TCP11L1: variants seen among roughly 807,000 people sequenced by gnomAD.
TCP11L1 encodes T-complex protein 11-like protein 1.
In TCP11L1, 28 loss-of-function variants were observed where a neutral mutation model predicts 48.9. The observed-to-expected ratio is 0.57, with a 90% CI of 0.42 to 0.78. The LOEUF (loss-of-function observed/expected upper bound fraction) is 0.78. TCP11L1 is among the 30% of genes least tolerant of loss of function. The probability of loss-of-function intolerance (pLI) is 0.00; values close to 1 mark genes in which losing one functional copy is unlikely to be tolerated. For synonymous variants in TCP11L1, 204 were observed against 231.9 expected, an observed-to-expected ratio of 0.88 and a Z score of 1.09; for missense variants, 505 against 613.4, an observed-to-expected ratio of 0.82 and a Z score of 1.87.
At chr11:33,061,976 G>T (rs1590236150) in intron 7 of TCP11L1, among the ~76,000 whole-genome samples, 1 of 152,134 alleles carries the variant, frequency 6.6e-6, no homozygotes, top group East Asian at 1.9e-4. Context: ...CAGCTACTTG[G>T]GAGGCTGAGG....
rs1405378552 is a variant in TCP11L1 at position 33,065,858 on chromosome 11, A to G, written c.1001A>G (p.His334Arg). ...GTTTTAATGGACCAGTCTCGCTTCCACGAGCTCCAGTTGCAGCTGGAACAA... is the reference window on the plus strand; with the variant it reads ...GTTTTAATGGACCAGTCTCGCTTCCGCGAGCTCCAGTTGCAGCTGGAACAA... The part of the protein sequence containing the change: ...ETVLMDQSRF[H>R]ELQLQLEQLT... Residue 334 changes from histidine (H) to arginine (R), a missense_variant, in exon 8 of 10, where the codon CAC (histidine) becomes CGC (arginine). By Grantham distance (29) the His-to-Arg change is conservative. Coordinates refer to ENST00000334274, the MANE Select transcript of TCP11L1 (RefSeq NM_018393.4). The G allele has an allele frequency of 8.7e-6, 14 of 1,613,940 alleles. No homozygotes were observed. Among genetic ancestry groups the G allele is most frequent in the Admixed American group, 1.7e-5 (1 of 60,002 alleles).
intron 8 of TCP11L1, among the ~76,000 whole-genome samples, chr11:33,066,505 G>T (rs1854624570): frequency 6.6e-6 from 1 of 152,108 alleles, no homozygotes; most frequent in African/African-American, 2.4e-5. Flanking sequence ...TGGTACCAAT[G>T]GTTGCTTGCC....
Position 33,043,752 on chromosome 11 carries a change from AAGT to A in TCP11L1, c.-21_-19del. 1.9e-6 allele frequency: 3 copies of A among 1,579,860 alleles called. No individual in the cohort carries two copies. Among genetic ancestry groups the A allele is most frequent in the Non-Finnish European group, 2.6e-6 (3 of 1,167,870 alleles). On this transcript the variant is annotated 5_prime_UTR_variant, in exon 2 of 10. The change abolishes the stop of an existing upstream ORF in the 5' untranslated region. Coordinates refer to ENST00000334274, the MANE Select transcript of TCP11L1 (RefSeq NM_018393.4). ...TTTTTTGTTTTTTTCTTTCCTAGGA[AAGT>A]GAATAAACTTAATTGAGAATGTCTG...
intron 9 of TCP11L1, among the ~76,000 whole-genome samples, chr11:33,072,118 A>T (rs529725607): frequency 6.6e-6 from 1 of 152,250 alleles, no homozygotes; most frequent in East Asian, 1.9e-4. Context: ...TGCTGGGATT[A>T]CAGGCGTGAG....
At chr11:33,068,637 G>A (rs1854687603) in intron 8 of TCP11L1, 50 bp from the exon 9 acceptor site, 2 of 1,593,940 alleles carry the variant, frequency 1.3e-6, no homozygotes, top group South Asian at 1.1e-5. Context: ...GTTGGAGCTG[G>A]TTAGAGGTGT....
Position 33,068,852 on chromosome 11 carries a change from G to C in TCP11L1, c.1320G>C (p.Arg440Ser), listed in dbSNP as rs1328919034. 1 of 1,611,610 alleles carries C rather than the reference G, an allele frequency of 6.2e-7. No individual in the cohort carries two copies. The highest frequency in any genetic ancestry group is 1.1e-5 in the South Asian group (1 of 91,028). ...AVASPDDPIR[R>S]IMESRILTFL... ...CCAGTCCCGATGACCCCATTCGCAG[G>C]ATCATGGGTACGTTTGGGGAAGGCA... is the stretch of plus-strand genomic sequence containing the variant. The change falls in exon 9 of 10, where the codon AGG (arginine) becomes AGC (serine). Residue 440 changes from arginine to serine, a missense_variant. Arg to Ser is a moderately radical substitution (Grantham distance 110). Transcript: ENST00000334274.
chr11:33,057,196 A>T lies in TCP11L1; in HGVS notation c.378A>T (p.Ala126=), dbSNP rs773852318. The change falls in exon 4 of 10, where the codon GCA becomes GCT. Residue 126 remains alanine (A), a synonymous_variant. Coordinates refer to ENST00000334274, the MANE Select transcript of TCP11L1 (RefSeq NM_018393.4). ...TGCAGCTAAGTGAAGATCCCCCAGC[A>T]TATGACCATGCTATCAAACTTGTAG... ...LSVQLSEDPP[A]YDHAIKLVGE... 21 of 1,614,030 alleles carry T rather than the reference A, an allele frequency of 1.3e-5. No individual in the cohort carries two copies. In the South Asian group the frequency reaches 2.2e-4, roughly 17 times the overall value.
Position 33,057,093 on chromosome 11 carries a change from C to CA in TCP11L1, c.297-22_297-21insA, listed in dbSNP as rs1554943382. ...AAATATTTTGGTTTTTGCCCCCCTC[C>CA]TTTTTTTTTTCACTGCCCCAGCTTG... On this transcript the variant is annotated intron_variant, in intron 3 of 9. Transcript: ENST00000334274. 3.3e-6 allele frequency: 5 copies of CA among 1,506,474 alleles called. No homozygotes were observed. In the East Asian group the frequency reaches 1.2e-4, roughly 37 times the overall value. 93.3% of individuals were successfully genotyped at this position (1,506,474 alleles called of 1,614,324 possible).
At chr11:33,067,114 C>T (rs530765156) in intron 8 of TCP11L1, among the ~76,000 whole-genome samples, 1 of 152,288 alleles carries the variant, frequency 6.6e-6, no homozygotes, top group South Asian at 2.1e-4. Context: ...GTGTTCTGCC[C>T]TTGCTTGTTC....
At chr11:33,061,781 T>C in intron 7 of TCP11L1, 55 bp downstream of exon 7, 1 of 1,501,434 alleles carries the variant, frequency 6.7e-7, no homozygotes, top group South Asian at 1.4e-5. Flanking sequence ...TGCTGAACTT[T>C]TTAAAAAGAA....
intron 7 of TCP11L1, among the ~76,000 whole-genome samples, chr11:33,063,182 G>A (rs950458703): frequency 6.6e-6 from 1 of 152,090 alleles, no homozygotes; most frequent in African/African-American, 2.4e-5. Flanking sequence ...TTTTTAGGCT[G>A]AATAATATAT....
At chr11:33,041,756 CA>C (rs113352878) in intron 1 of TCP11L1, among the ~76,000 whole-genome samples, 13 of 144,016 alleles carry the variant, frequency 9.0e-5, no homozygotes, top group East Asian at 6.1e-4. Context: ...AGTCTGTCCC[CA>C]AAAAAAAAAC....
intron 5 of TCP11L1, 47 bp downstream of exon 5, chr11:33,058,186 C>G (rs1854366382): frequency 6.8e-7 from 1 of 1,470,918 alleles, no homozygotes; most frequent in Admixed American, 2.4e-5. Flanking sequence ...AATTCAGAGG[C>G]ATTTTCTTTT....
chr11:33,073,393 A>G lies in TCP11L1; in HGVS notation c.*717A>G, dbSNP rs1854853777. 6.8e-6 allele frequency: 1 copy of G among 146,552 alleles called. No homozygotes were observed. Among genetic ancestry groups the G allele is most frequent in the Admixed American group, 6.9e-5 (1 of 14,566 alleles). The allele number at this position is 146,552 out of a possible 1,614,324, so 9.1% of individuals were successfully genotyped here. On this transcript the variant is annotated 3_prime_UTR_variant, in exon 10 of 10. Transcript: ENST00000334274. The stretch of plus-strand genomic sequence containing the variant: ...GTTGAGAGCAGTTATGACTTATGAG[A>G]TCTAGTGAAAGGAAAGTCTTTGACT...
Position 33,072,957 on chromosome 11 carries a change from C to CA in TCP11L1, c.*282dup. On this transcript the variant is annotated 3_prime_UTR_variant, in exon 10 of 10. Transcript: ENST00000334274. ...TCAGCTGTTGTCTCCACTCCTCCCCCATCATGTCCTTCCAAGGAGGCTGGG... is the reference window on the plus strand; with the variant it reads ...TCAGCTGTTGTCTCCACTCCTCCCCCAATCATGTCCTTCCAAGGAGGCTGGG... The CA allele has an allele frequency of 2.4e-6, 1 of 410,828 alleles. No individual in the cohort carries two copies. Among genetic ancestry groups the CA allele is most frequent in the South Asian group, 2.3e-5 (1 of 43,486 alleles). 25.4% of individuals were successfully genotyped at this position (410,828 alleles called of 1,614,324 possible).
rs570298594 is a variant in TCP11L1, at chr11:33,070,138, C to G, written c.1327+1279C>G. Among the ~76,000 whole-genome samples, 3 of 152,014 alleles carry G rather than the reference C, an allele frequency of 2.0e-5. No homozygotes were observed. The South Asian group carries it at 6.2e-4, about 32-fold the overall frequency. ...AAAAAATTAAAAAAAAAAAATTAGC[C>G]AGGTTAGTGACATGCATCTGTAGTC... On this transcript the variant is annotated intron_variant, in intron 9 of 9. Transcript: ENST00000334274.
chr11:33,043,931 C>G lies in TCP11L1; in HGVS notation c.158C>G (p.Pro53Arg). Residue 53 changes from proline to arginine, a missense_variant, in exon 2 of 10, where the codon CCT becomes CGT. Transcript: ENST00000334274. ...DSSSPQRVQR[P>R]HSSPPRFVTV... ...TCCAGCCCCCAAAGAGTGCAGAGAC[C>G]TCACTGTAAGCAAATTTGACTTTGG... is the stretch of plus-strand genomic sequence containing the variant. 1 of 1,590,556 alleles carries G rather than the reference C, an allele frequency of 6.3e-7. No individual in the cohort carries two copies. Among genetic ancestry groups the G allele is most frequent in the South Asian group, 1.2e-5 (1 of 86,330 alleles).
chr11:33,045,926 G>A (rs1279003997), intron 2 of TCP11L1, among the ~76,000 whole-genome samples: 1 of 152,210 alleles, frequency 6.6e-6, no homozygotes, highest in Non-Finnish European at 1.5e-5. Context: ...CATTTTCTTT[G>A]CAGCATATGG....
intron 6 of TCP11L1, among the ~76,000 whole-genome samples, chr11:33,059,872 A>C (rs1854420597): frequency 6.6e-6 from 1 of 152,246 alleles, no homozygotes; most frequent in African/African-American, 2.4e-5. Flanking sequence ...GGGTAGAGGT[A>C]GAAGTAGAAG....
Sources: allele counts gnomAD v4.1 joint callset (sites outside exome capture counted in the v4.1 genomes callset), GRCh38; gene constraint gnomAD v4.1.1; transcripts MANE v1.5; gene names NCBI Gene and HGNC (gene_info 2026-07-23, HGNC 2026-07-21).